The following COX18 variants were observed in gnomAD, a reference collection of about 807,000 sequenced individuals.
COX18 encodes the protein cytochrome c oxidase assembly protein COX18, mitochondrial.
Under a neutral mutation model 38.0 loss-of-function variants are expected in COX18, and 45 were observed. The ratio of observed to expected loss-of-function variants is 1.18; its 90% CI spans 0.93 to 1.52. The LOEUF (loss-of-function observed/expected upper bound fraction) is 1.52, where lower values mean the gene tolerates loss of function less well. COX18 is among the 40% of genes most tolerant of loss of function. The pLI, the probability that COX18 is intolerant of heterozygous loss-of-function variation, is 0.00. For missense variants in COX18, 462 were observed against 423.8 expected (o/e 1.09, Z -0.79); for synonymous variants, 177 against 169.8 (o/e 1.04, Z -0.33).
rs1450791135 is a variant in COX18, at chr4:73,061,911, G to C, written c.733C>G (p.Leu245Val). Residue 245 changes from leucine to valine, a missense_variant, in exon 5 of 6, where the codon CTA becomes GTA. Leu to Val is a conservative substitution (Grantham distance 32). Coordinates refer to ENST00000507544, the MANE Select transcript of COX18 (RefSeq NM_001297732.2). ...INLLIVEICA[L>V]QKIGMSRFQT... ...AAACGAGACATTCCAATTTTTTGTA[G>C]AGCACAAATCTGAAGGGGTAGAACA... is the stretch of plus-strand genomic sequence containing the variant. 4 of 1,595,040 alleles carry C rather than the reference G, an allele frequency of 2.5e-6. No homozygotes were observed. The highest frequency in any genetic ancestry group is 3.4e-6 in the Non-Finnish European group (4 of 1,163,252).
At position 73,061,817 on chromosome 4, in the gene COX18, G is replaced by C; in HGVS notation, c.827C>G (p.Pro276Arg). 1 of 1,596,564 alleles carries C rather than the reference G, an allele frequency of 6.3e-7. No homozygotes were observed. Among genetic ancestry groups the C allele is most frequent in the South Asian group, 1.1e-5 (1 of 90,580 alleles). Residue 276 changes from proline to arginine, a missense_variant, in exon 5 of 6, where the codon CCC (proline) becomes CGC (arginine). Transcript: ENST00000507544. ...ACAATATTGGTGCTTACTCACTGAG[G>C]GTACCGTTGCAGCAATTGGTATCAT... is the stretch of plus-strand genomic sequence containing the variant. ...VLMIPIAATV[P>R]SSIVLYWLCS...
At chr4:73,067,958 G>A (rs549021865) in intron 2 of COX18, 71 bp downstream of exon 2, 1,335 of 16,182 alleles carry the variant, frequency 0.082, 16 homozygotes, top group East Asian at 0.5. Context: ...TTATGTATGT[G>A]TGTGTGTGTG....
chr4:73,068,167 G>C, intron 1 of COX18, 38 bp from the exon 2 acceptor site: 2 of 1,299,382 alleles, frequency 1.5e-6, no homozygotes, highest in Non-Finnish European at 2.2e-6. Context: ...GCACATAAAG[G>C]ATCTTTATTC....
chr4:73,061,801 G>C lies in COX18; in HGVS notation c.831+12C>G, dbSNP rs551194729. ...TTAGCACATGCTACACACAATATTG[G>C]TGCTTACTCACTGAGGGTACCGTTG... On this transcript the variant is annotated intron_variant, in intron 5 of 5. Transcript: ENST00000507544. 1.1e-5 allele frequency: 16 copies of C among 1,511,308 alleles called. No individual in the cohort carries two copies. The East Asian group carries it at 2.7e-4, about 26-fold the overall frequency. 93.6% of individuals were successfully genotyped at this position (1,511,308 alleles called of 1,614,324 possible).
intron 5 of COX18, among the ~76,000 whole-genome samples, chr4:73,061,278 G>A (rs1038872504): frequency 5.3e-5 from 8 of 152,030 alleles, no homozygotes; most frequent in African/African-American, 1.9e-4. Context: ...TAGTCAAATG[G>A]AAGAAATACC....
At chr4:73,063,148 T>C (rs932197094) in intron 4 of COX18, among the ~76,000 whole-genome samples, 4 of 151,790 alleles carry the variant, frequency 2.6e-5, no homozygotes, top group African/African-American at 4.8e-5. Context: ...CTACTAAAAA[T>C]ACAAAAAATT....
At chr4:73,062,138 T>C (rs1019261421) in intron 4 of COX18, among the ~76,000 whole-genome samples, 3 of 152,096 alleles carry the variant, frequency 2.0e-5, no homozygotes, top group African/African-American at 7.2e-5. Context: ...TAAGGGCTGG[T>C]CTCAAACTCC....
At chr4:73,060,127 A>C (rs894183183) in intron 5 of COX18, among the ~76,000 whole-genome samples, 2 of 152,212 alleles carry the variant, frequency 1.3e-5, no homozygotes, top group African/African-American at 4.8e-5. Context: ...ACAAAGCAGA[A>C]AGAGAGCAGC....
intron 4 of COX18, among the ~76,000 whole-genome samples, chr4:73,063,202 A>C (rs1460718261): frequency 2.6e-5 from 4 of 151,972 alleles, no homozygotes; most frequent in Non-Finnish European, 5.9e-5. Context: ...GCTACTCGAG[A>C]GGCTGAGACA....
At position 73,055,475 on chromosome 4, in the gene COX18, G is replaced by C. The variant is rs1293931891; in HGVS notation, c.*2639C>G. ...CTCTCTGCCAACAGCATTATAACTT[G>C]TGCATGAATGAAGCTTATCTAATAT... On this transcript the variant is annotated 3_prime_UTR_variant, in exon 6 of 6. Coordinates refer to ENST00000507544, the MANE Select transcript of COX18 (RefSeq NM_001297732.2). The C allele has an allele frequency of 6.6e-6, 1 of 152,192 alleles. No individual in the cohort carries two copies. The highest frequency in any genetic ancestry group is 2.4e-5 in the African/African-American group (1 of 41,460). The allele number at this position is 152,192 out of a possible 1,614,324, so 9.4% of individuals were successfully genotyped here.
At chr4:73,063,157 T>C (rs1166743980) in intron 4 of COX18, among the ~76,000 whole-genome samples, 2 of 151,858 alleles carry the variant, frequency 1.3e-5, no homozygotes, top group Admixed American at 6.6e-5. Context: ...ATACAAAAAA[T>C]TAGCTGGGTG....
rs1719870981 is a variant in COX18 at position 73,055,876 on chromosome 4, A to T, written c.*2238T>A. Reference sequence around the variant, plus strand: ...TGTGGTTGGAAAGCACAATTGCCCCAATAGGACAGTCAGAAACCAGGACTA... The same window carrying T: ...TGTGGTTGGAAAGCACAATTGCCCCTATAGGACAGTCAGAAACCAGGACTA... On this transcript the variant is annotated 3_prime_UTR_variant, in exon 6 of 6. Coordinates refer to ENST00000507544, the MANE Select transcript of COX18 (RefSeq NM_001297732.2). 6.6e-6 allele frequency: 1 copy of T among 152,236 alleles called. No individual in the cohort carries two copies. Among genetic ancestry groups the T allele is most frequent in the Non-Finnish European group, 1.5e-5 (1 of 68,044 alleles). The allele number at this position is 152,236 out of a possible 1,614,324, so 9.4% of individuals were successfully genotyped here.
At chr4:73,067,181 A>G (rs1720487797) in intron 2 of COX18, among the ~76,000 whole-genome samples, 1 of 152,224 alleles carries the variant, frequency 6.6e-6, no homozygotes, top group Non-Finnish European at 1.5e-5. Context: ...TAGCTATCAA[A>G]GTGTTTCTAC....
chr4:73,069,657 C>T lies in COX18; in HGVS notation c.-8G>A. ...GCCGAGCCGGCACAGCATTTCTGCA[C>T]CACGGCGGAGCCCAGATCCCGGGCC... is the stretch of plus-strand genomic sequence containing the variant. On this transcript the variant is annotated 5_prime_UTR_variant, in exon 1 of 6. In the 5' UTR this introduces an upstream ATG that the reference lacks. Coordinates refer to ENST00000507544, the MANE Select transcript of COX18 (RefSeq NM_001297732.2). The T allele has an allele frequency of 6.5e-7, 1 of 1,544,878 alleles. No individual in the cohort carries two copies. The highest frequency in any genetic ancestry group is 8.7e-7 in the Non-Finnish European group (1 of 1,150,646).
rs1308606708 is a variant in COX18, at chr4:73,052,386, T to C, written c.*5728A>G. ...CTTACTTATATAGTTGTATTTTTAT[T>C]TTTATATAAATTTATATTCTTATTT... is the stretch of plus-strand genomic sequence containing the variant. On this transcript the variant is annotated 3_prime_UTR_variant, in exon 6 of 6. Coordinates refer to ENST00000507544, the MANE Select transcript of COX18 (RefSeq NM_001297732.2). 2 of 152,050 alleles carry C rather than the reference T, an allele frequency of 1.3e-5. No individual in the cohort carries two copies. Among genetic ancestry groups the C allele is most frequent in the African/African-American group, 4.8e-5 (2 of 41,454 alleles). 9.4% of individuals were successfully genotyped at this position (152,050 alleles called of 1,614,324 possible).
rs1201431751 is a variant in COX18, at chr4:73,056,594, G to A, written c.*1520C>T. ...ACTTGTATGCATGGACTACTTTACT[G>A]CATATATTTCAAGTTGCCCCCGCTT... On this transcript the variant is annotated 3_prime_UTR_variant, in exon 6 of 6. Transcript: ENST00000507544. The A allele has an allele frequency of 6.6e-6, 1 of 152,040 alleles. No individual in the cohort carries two copies. Among genetic ancestry groups the A allele is most frequent in the Admixed American group, 6.6e-5 (1 of 15,258 alleles). The allele number at this position is 152,040 out of a possible 1,614,324, so 9.4% of individuals were successfully genotyped here.
chr4:73,062,903 G>A (rs891584999), intron 4 of COX18, among the ~76,000 whole-genome samples: 1 of 151,218 alleles, frequency 6.6e-6, no homozygotes, highest in Non-Finnish European at 1.5e-5. Flanking sequence ...GCCAAACTAC[G>A]TAGTTTTACA....
In COX18 at chr4:73,064,858, A is replaced by G; in HGVS notation, c.643T>C (p.Trp215Arg). 1 of 1,614,008 alleles carries G rather than the reference A, an allele frequency of 6.2e-7. No individual in the cohort carries two copies. ...QEQLATGGIL[W>R]FPDLTAPDST... ...TCGGGTGCAGTGAGGTCAGGAAACCACAGAATTCCACCAGTAGCTAACTGT... is the reference window on the plus strand; with the variant it reads ...TCGGGTGCAGTGAGGTCAGGAAACCGCAGAATTCCACCAGTAGCTAACTGT... Residue 215 changes from tryptophan (W) to arginine (R), a missense_variant, in exon 4 of 6, where the codon TGG becomes CGG. Transcript: ENST00000507544.
rs1354244305 is a variant in COX18 at position 73,053,695 on chromosome 4, TGGC to T, written c.*4416_*4418del. On this transcript the variant is annotated 3_prime_UTR_variant, in exon 6 of 6. Coordinates refer to ENST00000507544, the MANE Select transcript of COX18 (RefSeq NM_001297732.2). ...ACCTGAAAAGTCTTCTCCCCAAGTT[TGGC>T]TTTTCCCTCGAGGTTCTTAATGAGG... is the stretch of plus-strand genomic sequence containing the variant. 10 of 152,350 alleles carry T rather than the reference TGGC, an allele frequency of 6.6e-5. No homozygotes were observed. In the South Asian group the frequency reaches 2.1e-3, roughly 32 times the overall value. 9.4% of individuals were successfully genotyped at this position (152,350 alleles called of 1,614,324 possible). A position where few individuals can be genotyped will look rare whatever the true frequency, so the allele number is the denominator to read the frequency against.
Sources: gnomAD v4.1 joint callset for allele counts (sites outside exome capture counted in the v4.1 genomes callset) on GRCh38, gnomAD v4.1.1 for gene constraint, MANE v1.5 for transcripts, NCBI Gene and HGNC (gene_info 2026-07-23, HGNC 2026-07-21) for gene names.